NBPF9: variants seen among roughly 807,000 people sequenced by gnomAD.
NBPF9 encodes NBPF family member NBPF9.
NBPF9 carries 91 observed loss-of-function variants against 97.8 expected under a neutral mutation model. The observed-to-expected ratio is 0.93, with a 90% CI of 0.79 to 1.11. The LOEUF (loss-of-function observed/expected upper bound fraction) is 1.11. Among genes scored for constraint, NBPF9 ranks in the 50% least tolerant of loss-of-function variants. The pLI, the probability that NBPF9 is intolerant of heterozygous loss-of-function variation, is 0.00. For synonymous variants in NBPF9, 334 were observed against 359.5 expected (o/e 0.93, Z 0.80); for missense variants, 992 against 939.5 (o/e 1.06, Z -0.73).
At chr1:149,096,097 A>G (rs1553661460) in intron 4 of NBPF9, among the ~76,000 whole-genome samples, 1 of 152,014 alleles carries the variant, frequency 6.6e-6, no homozygotes, top group African/African-American at 2.4e-5. Flanking sequence ...GCTAGAAAGA[A>G]GCCAGTCTGG....
intron 5 of NBPF9, among the ~76,000 whole-genome samples, chr1:149,085,178 C>G (rs1321365748): frequency 1.3e-5 from 2 of 152,030 alleles, no homozygotes; most frequent in East Asian, 3.9e-4. Context: ...GACACCTTCC[C>G]CCACCCATAC....
chr1:149,076,429 T>C (rs2079875360), intron 11 of NBPF9, among the ~76,000 whole-genome samples: 4 of 151,238 alleles, frequency 2.6e-5, no homozygotes, highest in Admixed American at 1.3e-4. Flanking sequence ...ACTCCTGAGC[T>C]CAGGTGTTCC....
At chr1:149,062,896 C>T in exon 21 of NBPF9, 1 of 798,236 alleles carries the variant, frequency 1.3e-6, no homozygotes, top group Non-Finnish European at 2.2e-6. Flanking sequence ...TCTTCCACTT[C>T]TTGGTACTTT....
chr1:149,064,600 A>G (rs1553651198), intron 18 of NBPF9, 118 bp from the exon 19 acceptor site: 1 of 670,806 alleles, frequency 1.5e-6, no homozygotes, highest in East Asian at 3.1e-5. Context: ...AGAACAGGAG[A>G]CTTTGAGAGA....
intron 4 of NBPF9, among the ~76,000 whole-genome samples, chr1:149,097,672 C>T (rs1216421557): frequency 2.0e-5 from 3 of 152,128 alleles, no homozygotes; most frequent in Non-Finnish European, 4.4e-5. Context: ...TCTTTCTCCC[C>T]CTCTCAATGC....
chr1:149,064,050 G>A (rs1429900507), intron 19 of NBPF9, among the ~76,000 whole-genome samples: 1 of 133,754 alleles, frequency 7.5e-6, no homozygotes, highest in African/African-American at 3.0e-5. Flanking sequence ...AGCGAGCTGA[G>A]TGATTTGGTC....
chr1:149,101,710 C>T (rs1575885777), intron 2 of NBPF9, among the ~76,000 whole-genome samples: 1 of 151,874 alleles, frequency 6.6e-6, no homozygotes, highest in African/African-American at 2.4e-5. Context: ...TAATTTTTAA[C>T]TGACAGGCAT....
intron 26 of NBPF9, 122 bp downstream of exon 26, chr1:149,058,802 GC>G (rs2078408656): frequency 1.5e-6 from 1 of 685,420 alleles, no homozygotes; most frequent in African/African-American, 1.9e-5. Flanking sequence ...ACCTATATGC[GC>G]CCATAGGTCC....
At chr1:149,074,626 C>A (rs2079694042) in intron 12 of NBPF9, among the ~76,000 whole-genome samples, 1 of 151,050 alleles carries the variant, frequency 6.6e-6, no homozygotes, top group African/African-American at 2.4e-5. Context: ...ACAAGACAAG[C>A]AACTTGGATG....
chr1:149,080,023 C>T (rs587773130), intron 8 of NBPF9, 30 bp downstream of exon 8: 79 of 1,582,562 alleles, frequency 5.0e-5, no homozygotes, highest in Admixed American at 1.8e-4. Flanking sequence ...CACACCTACC[C>T]GCCTGCCTCC....
At chr1:149,076,619 C>T (rs1384839293) in intron 11 of NBPF9, among the ~76,000 whole-genome samples, 1 of 150,316 alleles carries the variant, frequency 6.7e-6, no homozygotes, top group Non-Finnish European at 1.5e-5. Context: ...TCTCCTGCCT[C>T]AGCCTCCTGA....
chr1:149,072,864 C>T (rs1260852434), exon 14 of NBPF9: 9 of 1,605,042 alleles, frequency 5.6e-6, no homozygotes, highest in Middle Eastern at 2.3e-4. Context: ...GGCATCTCTC[C>T]CTTCCCGCAA....
intron 14 of NBPF9, 115 bp downstream of exon 14, chr1:149,072,603 C>T (rs1264503234): frequency 1.4e-6 from 2 of 1,449,332 alleles, no homozygotes; most frequent in South Asian, 1.2e-5. Flanking sequence ...GTCATGGCCA[C>T]ATAAGCTTAG....
exon 12 of NBPF9, chr1:149,075,669 T>A: frequency 6.2e-7 from 1 of 1,609,986 alleles, no homozygotes; most frequent in Non-Finnish European, 8.5e-7. Flanking sequence ...TTTGTTCTGC[T>A]GGTTGGCCAG....
intron 13 of NBPF9, 144 bp downstream of exon 13, chr1:149,073,624 T>G (rs1352805627): frequency 2.9e-6 from 2 of 700,412 alleles, no homozygotes; most frequent in African/African-American, 3.5e-5. Context: ...CTCTGTTTGA[T>G]AAATATTTGT....
At chr1:149,065,920 C>T (rs1213410653) in intron 17 of NBPF9, 34 of 629,864 alleles carry the variant, frequency 5.4e-5, no homozygotes, top group Non-Finnish European at 7.7e-5. Flanking sequence ...CACAGATGAG[C>T]CAACTCAGGG....
rs1369750995 is a variant in NBPF9 at position 149,087,856 on chromosome 1, A to C, written c.-195+2897T>G. Among the ~76,000 whole-genome samples, 4 of 128,550 alleles carry C rather than the reference A, an allele frequency of 3.1e-5. No individual in the cohort carries two copies. In the Admixed American group the frequency reaches 3.4e-4, roughly 11 times the overall value. 84.3% of individuals were successfully genotyped at this position (128,550 alleles called of 152,430 possible). The stretch of plus-strand genomic sequence containing the variant: ...TTTTTTTTTTTTTTTTTTTTGAGAC[A>C]GAGTCTTGCTCTGTTACCCAGGCTG... On this transcript the variant is annotated intron_variant, in intron 5 of 29. Coordinates refer to ENST00000584027, the Ensembl canonical transcript of NBPF9.
intron 11 of NBPF9, among the ~76,000 whole-genome samples, chr1:149,076,224 G>A (rs587627298): frequency 6.6e-6 from 1 of 151,408 alleles, no homozygotes; most frequent in African/African-American, 2.4e-5. Context: ...TTGAGACAGA[G>A]TCTCACTCTG....
chr1:149,081,752 G>T (rs2080470143), intron 7 of NBPF9, among the ~76,000 whole-genome samples: 6 of 133,998 alleles, frequency 4.5e-5, no homozygotes, highest in Middle Eastern at 3.6e-3. Context: ...TTTAACTCTA[G>T]TCCCACCCCC....
Sources: gnomAD v4.1 joint callset for allele counts (sites outside exome capture counted in the v4.1 genomes callset) on GRCh38, gnomAD v4.1.1 for gene constraint, MANE v1.5 for transcripts, NCBI Gene and HGNC (gene_info 2026-07-23, HGNC 2026-07-21) for gene names.